TEX14: variants seen among roughly 807,000 people sequenced by gnomAD.
TEX14 encodes inactive serine/threonine-protein kinase TEX14.
A neutral mutation model predicts 178.6 loss-of-function variants in TEX14; 168 were observed. The ratio of observed to expected loss-of-function variants is 0.94; its 90% CI spans 0.83 to 1.07. The LOEUF (loss-of-function observed/expected upper bound fraction) is 1.07, where lower values mean the gene tolerates loss of function less well. TEX14 is among the 50% of genes least tolerant of loss of function. The probability of loss-of-function intolerance (pLI) is 0.00; values close to 1 mark genes in which losing one functional copy is unlikely to be tolerated. For missense variants in TEX14, 1,730 were observed against 1,753.6 expected (o/e 0.99, Z 0.24); for synonymous variants, 626 against 634.1 (o/e 0.99, Z 0.19).
intron 15 of TEX14, among the ~76,000 whole-genome samples, chr17:58,590,001 G>A (rs904900333): frequency 1.3e-5 from 2 of 152,092 alleles, no homozygotes; most frequent in Non-Finnish European, 2.9e-5. Flanking sequence ...GGTGGCTCAC[G>A]CCTGTAATCC....
In TEX14 at chr17:58,637,611, G is replaced by A. The variant is rs2046465282; in HGVS notation, c.137-7057C>T. ...AGCTGAACATGGAGAGGTTCCTGGA[G>A]GATGGGCCAGGGAGGGCATGGAATC... On this transcript the variant is annotated intron_variant, in intron 2 of 31. Coordinates refer to ENST00000349033, the MANE Select transcript of TEX14 (RefSeq NM_031272.5). Among the ~76,000 whole-genome samples the A allele has an allele frequency of 1.3e-5, 2 of 152,362 alleles. 1 individual carries two copies. The highest frequency in any genetic ancestry group is 4.1e-4 in the South Asian group (2 of 4,828).
chr17:58,603,264 G>A (rs2045510521), intron 11 of TEX14, among the ~76,000 whole-genome samples: 1 of 148,832 alleles, frequency 6.7e-6, no homozygotes, highest in Admixed American at 6.7e-5. Flanking sequence ...CCATAAAAAA[G>A]CAGCCCTTGG....
At chr17:58,572,173 T>C in intron 23 of TEX14, 47 bp from the exon 24 acceptor site, 1 of 1,396,490 alleles carries the variant, frequency 7.2e-7, no homozygotes, top group Non-Finnish European at 9.9e-7. Context: ...TTTATATTAT[T>C]TCTCCTTTTT....
At chr17:58,690,789 T>C (rs910225542) in intron 1 of TEX14, among the ~76,000 whole-genome samples, 6 of 152,166 alleles carry the variant, frequency 3.9e-5, no homozygotes, top group Admixed American at 3.9e-4. Context: ...TCCCCGCCAG[T>C]AGGGACTCAA....
intron 14 of TEX14, 113 bp downstream of exon 14, chr17:58,598,763 A>G: frequency 9.4e-7 from 1 of 1,062,288 alleles, no homozygotes; most frequent in South Asian, 1.5e-5. Flanking sequence ...CTGATGGCTT[A>G]TCTCTGACTG....
chr17:58,562,847 G>A (rs2144331307), intron 28 of TEX14, among the ~76,000 whole-genome samples: 1 of 151,028 alleles, frequency 6.6e-6, no homozygotes, highest in East Asian at 2.0e-4. Flanking sequence ...CCAGTTGGGT[G>A]GATCACTTGA....
At chr17:58,613,188 G>A (rs141875012) in intron 9 of TEX14, among the ~76,000 whole-genome samples, 1 of 151,702 alleles carries the variant, frequency 6.6e-6, no homozygotes, top group Non-Finnish European at 1.5e-5. Flanking sequence ...GGCAACAGAG[G>A]GACTCTGTCT....
intron 1 of TEX14, among the ~76,000 whole-genome samples, chr17:58,685,914 G>A (rs2047581712): frequency 7.1e-6 from 1 of 141,118 alleles, no homozygotes; most frequent in Non-Finnish European, 1.5e-5. Context: ...ACAATCGCCT[G>A]AACATGGGAG....
rs573114436 is a variant in TEX14 at position 58,569,024 on chromosome 17, CAAAACTGCCCCTTCCTAAATTTTGG to C, written c.3886+143_3886+167del. ...GGCCAGGCTGTGGCTCATTTTATTGCAAAACTGCCCCTTCCTAAATTTTGGAAAACTGCCCCTTCCTATATTCAAC... is the reference window on the plus strand; with the variant it reads ...GGCCAGGCTGTGGCTCATTTTATTGCAAAACTGCCCCTTCCTATATTCAAC... On this transcript the variant is annotated intron_variant, in intron 26 of 31. Transcript: ENST00000349033. The surrounding 1 kb of genome is among the most constrained non-coding windows in gnomAD (Gnocchi z 4.1). Among the ~76,000 whole-genome samples the C allele has an allele frequency of 0.012, 1,755 of 152,242 alleles. 15 individuals are homozygous for C. The highest frequency in any genetic ancestry group is 0.041 in the Middle Eastern group (12 of 294).
intron 1 of TEX14, among the ~76,000 whole-genome samples, chr17:58,659,987 G>A (rs936837573): frequency 6.6e-6 from 1 of 150,796 alleles, no homozygotes; most frequent in Admixed American, 6.6e-5. Flanking sequence ...ATAAGCCACC[G>A]CGCCTGGCCC....
At chr17:58,596,414 T>G (rs1221522655) in intron 14 of TEX14, among the ~76,000 whole-genome samples, 1 of 152,012 alleles carries the variant, frequency 6.6e-6, no homozygotes, top group African/African-American at 2.4e-5. Context: ...CCCAAGTAGC[T>G]GGGACTACAG....
chr17:58,685,984 G>C (rs1261680807), intron 1 of TEX14, among the ~76,000 whole-genome samples: 1 of 115,924 alleles, frequency 8.6e-6, no homozygotes, highest in Non-Finnish European at 1.6e-5. Context: ...GACAGGGCAA[G>C]ACTCTGTCTC....
At chr17:58,678,241 G>C (rs910704336) in intron 1 of TEX14, among the ~76,000 whole-genome samples, 1 of 152,176 alleles carries the variant, frequency 6.6e-6, no homozygotes, top group African/African-American at 2.4e-5. Context: ...GGGTCCTTAA[G>C]GGAAGGACAC....
intron 27 of TEX14, among the ~76,000 whole-genome samples, chr17:58,565,171 G>T (rs1003033228): frequency 6.6e-6 from 1 of 152,200 alleles, no homozygotes; most frequent in Admixed American, 6.5e-5. Context: ...TGGGGTCTTG[G>T]AAGCTTTTCA....
chr17:58,557,985 T>C (rs11651960), intron 30 of TEX14, 135 bp from the exon 31 acceptor site: 26,942 of 605,912 alleles, frequency 0.044, 803 homozygotes, highest in South Asian at 0.093. Flanking sequence ...TTCTGCCAGA[T>C]AGACTCTTTC....
chr17:58,557,266 A>G (rs1342525219), intron 31 of TEX14, among the ~76,000 whole-genome samples: 1 of 149,786 alleles, frequency 6.7e-6, no homozygotes. Flanking sequence ...TCTCCATATT[A>G]AACCTGTTCT....
In TEX14 at chr17:58,587,984, CT is replaced by C; in HGVS notation, c.2613del (p.Ala872ProfsTer31). On this transcript the variant is annotated frameshift_variant, in exon 16 of 32. Coordinates refer to ENST00000349033, the MANE Select transcript of TEX14 (RefSeq NM_031272.5). LOFTEE classifies it high-confidence loss of function. Reference sequence around the variant, plus strand: ...AAGAGTGCACTATTAAACTGTGTGGCTTTGGCTTGGGCAGTGGACTCTCTAG... The same window carrying C: ...AAGAGTGCACTATTAAACTGTGTGGCTTGGCTTGGGCAGTGGACTCTCTAG... ...GRPRESTAQA[K>X]ATQFNSALFT... The C allele has an allele frequency of 6.3e-7, 1 of 1,586,500 alleles. No homozygotes were observed. The highest frequency in any genetic ancestry group is 1.1e-5 in the South Asian group (1 of 90,588).
chr17:58,652,241 A>T (rs2046854990), intron 1 of TEX14, among the ~76,000 whole-genome samples: 1 of 152,112 alleles, frequency 6.6e-6, no homozygotes, highest in Non-Finnish European at 1.5e-5. Context: ...AAATATATAT[A>T]TTTGAATATA....
In TEX14 at chr17:58,557,841, T is replaced by C; in HGVS notation, c.4277A>G (p.Lys1426Arg). 6.2e-7 allele frequency: 1 copy of C among 1,612,214 alleles called. No homozygotes were observed. The highest frequency in any genetic ancestry group is 8.5e-7 in the Non-Finnish European group (1 of 1,178,944). ...ACCTAGTCGCTTCCAAAAACAGGAT[T>C]TTAGTTCATCTTGATGAAATATAAG... ...VLGTSEEDEL[K>R]SCFWKRLGWS... The change falls in exon 31 of 32, where the codon AAA (lysine) becomes AGA (arginine). Residue 1426 changes from lysine (K) to arginine (R), a missense_variant. By Grantham distance (26) the Lys-to-Arg change is conservative (BLOSUM62 2). Transcript: ENST00000349033.
Sources: allele counts gnomAD v4.1 joint callset (sites outside exome capture counted in the v4.1 genomes callset), GRCh38; gene constraint gnomAD v4.1.1; non-coding constraint Gnocchi (gnomAD v3.1); transcripts MANE v1.5; gene names NCBI Gene and HGNC (gene_info 2026-07-23, HGNC 2026-07-21).